CCDC86: variants seen among roughly 807,000 people sequenced by gnomAD.
CCDC86 encodes the protein coiled-coil domain-containing protein 86.
In CCDC86, 28 loss-of-function variants were observed where a neutral mutation model predicts 36.7. The observed-to-expected ratio is 0.76, with a 90% CI of 0.57 to 1.05. The LOEUF (loss-of-function observed/expected upper bound fraction) is 1.05, where lower values mean the gene tolerates loss of function less well. CCDC86 is among the 50% of genes least tolerant of loss of function. CCDC86 has a pLI of 0.00. For missense variants in CCDC86, 453 were observed against 470.2 expected (o/e 0.96, Z 0.34); for synonymous variants, 199 against 203.4 (o/e 0.98, Z 0.18).
In CCDC86 at chr11:60,848,059, G is replaced by C. The variant is rs1398449709; in HGVS notation, c.888+6G>C. 6.2e-7 allele frequency: 1 copy of C among 1,611,556 alleles called. No homozygotes were observed. Among genetic ancestry groups the C allele is most frequent in the Non-Finnish European group, 8.5e-7 (1 of 1,178,598 alleles). On this transcript the variant is annotated splice_donor_region_variant and intron_variant, in intron 2 of 3. Coordinates refer to ENST00000227520, the MANE Select transcript of CCDC86 (RefSeq NM_024098.4). ...AGAAGGAGAGGCGCCGCCAGGTGAGGGGCCAGCCAGGCTGAGGCTGGGGCT... is the reference window on the plus strand; with the variant it reads ...AGAAGGAGAGGCGCCGCCAGGTGAGCGGCCAGCCAGGCTGAGGCTGGGGCT...
intron 1 of CCDC86, chr11:60,847,635 C>A: frequency 5.5e-6 from 1 of 182,818 alleles, no homozygotes; most frequent in Non-Finnish European, 1.1e-5. Flanking sequence ...TATCTTTAGG[C>A]AGCTATTTAA....
chr11:60,843,012 C>T, intron 1 of CCDC86, 130 bp downstream of exon 1: 1 of 1,217,410 alleles, frequency 8.2e-7, no homozygotes. Flanking sequence ...TGTTAGCAAA[C>T]AGGTAATTAC....
At chr11:60,843,080 A>G in intron 1 of CCDC86, 198 bp downstream of exon 1, 1 of 692,050 alleles carries the variant, frequency 1.4e-6, no homozygotes, top group Non-Finnish European at 2.2e-6. Context: ...AGGCCCTCAA[A>G]GATCAATTTC....
In CCDC86 at chr11:60,848,896, C is replaced by T. The variant is rs1345257208; in HGVS notation, c.888+843C>T. Among the ~76,000 whole-genome samples, 7 of 152,176 alleles carry T rather than the reference C, an allele frequency of 4.6e-5. No homozygotes were observed. The South Asian group carries it at 6.2e-4, about 13-fold the overall frequency. On this transcript the variant is annotated intron_variant, in intron 2 of 3. Coordinates refer to ENST00000227520, the MANE Select transcript of CCDC86 (RefSeq NM_024098.4). ...GCTGACATCTGAGGAACAGTGTGTC[C>T]GCCACCATATGCTGAGGCCTTATCT...
intron 1 of CCDC86, among the ~76,000 whole-genome samples, chr11:60,846,425 C>G (rs957102313): frequency 3.3e-5 from 5 of 152,156 alleles, no homozygotes; most frequent in African/African-American, 1.2e-4. Context: ...CGAGAGACTT[C>G]TTTGCATTTT....
Position 60,842,240 on chromosome 11 carries a change from C to T in CCDC86, c.116C>T (p.Pro39Leu). 1.2e-6 allele frequency: 2 copies of T among 1,613,400 alleles called. No individual in the cohort carries two copies. Among genetic ancestry groups the T allele is most frequent in the Non-Finnish European group, 1.7e-6 (2 of 1,179,904 alleles). Residue 39 changes from proline (P) to leucine (L), a missense_variant, in exon 1 of 4, where the codon CCA (proline) becomes CTA (leucine). By Grantham distance (98) the Pro-to-Leu change is moderately conservative. Transcript: ENST00000227520. ...RRALVEFESN[P>L]EETREPGSPP... ...GCCCTTGTGGAGTTCGAGTCGAACC[C>T]AGAAGAAACGAGGGAGCCCGGGTCT...
Position 60,842,571 on chromosome 11 carries a change from C to T in CCDC86, c.447C>T (p.Ala149=), listed in dbSNP as rs749223937. ...ATAAGGAGGAGCTGACCCCGGGGGC[C>T]CCCCAGCATCAGCTACCGCCGGTCC... ...AQNKEELTPG[A]PQHQLPPVPG... The change falls in exon 1 of 4, where the codon GCC becomes GCT. Residue 149 remains alanine, a synonymous_variant. Transcript: ENST00000227520. The T allele has an allele frequency of 3.1e-6, 5 of 1,613,286 alleles. No homozygotes were observed. Among genetic ancestry groups the T allele is most frequent in the African/African-American group, 1.3e-5 (1 of 75,032 alleles).
intron 1 of CCDC86, among the ~76,000 whole-genome samples, chr11:60,844,720 C>A (rs536806456): frequency 2.6e-5 from 4 of 152,324 alleles, no homozygotes; most frequent in Admixed American, 1.3e-4. Context: ...GCCTGTTTTC[C>A]TTTAAACCGG....
At chr11:60,848,189 C>A in intron 2 of CCDC86, 136 bp downstream of exon 2, 1 of 1,145,394 alleles carries the variant, frequency 8.7e-7, no homozygotes, top group South Asian at 1.6e-5. Context: ...ATCTGAAGGC[C>A]GGAGGGAGGA....
chr11:60,847,789 G>T, intron 1 of CCDC86, 135 bp from the exon 2 acceptor site: 1 of 1,241,656 alleles, frequency 8.1e-7, no homozygotes, highest in Non-Finnish European at 1.1e-6. Context: ...CTGGAAGGCC[G>T]CCTGTCAGGC....
chr11:60,850,124 CTGTGGG>C, intron 3 of CCDC86, 76 bp from the exon 4 acceptor site: 2 of 1,608,584 alleles, frequency 1.2e-6, no homozygotes, highest in Non-Finnish European at 1.7e-6. Flanking sequence ...TCTCAGGCCC[CTGTGGG>C]GCGGCCTTCC....
At chr11:60,847,137 G>GA (rs1332470775) in intron 1 of CCDC86, among the ~76,000 whole-genome samples, 1 of 150,302 alleles carries the variant, frequency 6.7e-6, no homozygotes, top group Non-Finnish European at 1.5e-5. Context: ...AGGCTGGAGT[G>GA]CAGTGGCGCG....
chr11:60,843,535 C>T (rs1855149989), intron 1 of CCDC86, among the ~76,000 whole-genome samples: 1 of 152,210 alleles, frequency 6.6e-6, no homozygotes, highest in Non-Finnish European at 1.5e-5. Context: ...AACCCCTTTA[C>T]CCAATCCCTG....
intron 2 of CCDC86, among the ~76,000 whole-genome samples, chr11:60,848,325 A>G (rs1259487241): frequency 6.6e-6 from 1 of 152,152 alleles, no homozygotes; most frequent in Non-Finnish European, 1.5e-5. Context: ...GAGGACCAGA[A>G]GCGGGCCTTG....
At chr11:60,848,198 G>A (rs1855212076) in intron 2 of CCDC86, 145 bp downstream of exon 2, 19 of 1,041,506 alleles carry the variant, frequency 1.8e-5, no homozygotes, top group Non-Finnish European at 2.5e-5. Context: ...CCGGAGGGAG[G>A]AAGGGCACCT....
chr11:60,843,027 A>T, intron 1 of CCDC86, 145 bp downstream of exon 1: 1 of 1,137,626 alleles, frequency 8.8e-7, no homozygotes, highest in Non-Finnish European at 1.2e-6. Flanking sequence ...AATTACAATC[A>T]GAATGTGGTA....
intron 2 of CCDC86, among the ~76,000 whole-genome samples, chr11:60,848,441 C>A (rs480081): frequency 0.26 from 40,064 of 151,912 alleles, 6,182 homozygotes; most frequent in East Asian, 0.74. Context: ...CAGATTTGAA[C>A]TCCATGTCCC....
chr11:60,845,397 T>C (rs757441369), intron 1 of CCDC86, among the ~76,000 whole-genome samples: 1 of 151,764 alleles, frequency 6.6e-6, no homozygotes, highest in Non-Finnish European at 1.5e-5. Flanking sequence ...CGGGCAGGGG[T>C]GAAGGCAGGA....
Position 60,849,280 on chromosome 11 carries a change from G to A in CCDC86, c.889-660G>A, listed in dbSNP as rs569380819. Among the ~76,000 whole-genome samples the A allele has an allele frequency of 3.9e-5, 6 of 152,354 alleles. No individual in the cohort carries two copies. In the East Asian group the frequency reaches 5.8e-4, roughly 15 times the overall value. On this transcript the variant is annotated intron_variant, in intron 2 of 3. Transcript: ENST00000227520. Reference sequence around the variant, plus strand: ...CTAGGGGCTGCTCCAAGTCCTGCACGTGCATTCCCTCATTGATTTCCCAAA... The same window carrying A: ...CTAGGGGCTGCTCCAAGTCCTGCACATGCATTCCCTCATTGATTTCCCAAA...
Sources: allele counts gnomAD v4.1 joint callset (sites outside exome capture counted in the v4.1 genomes callset), GRCh38; gene constraint gnomAD v4.1.1; transcripts MANE v1.5; gene names NCBI Gene and HGNC (gene_info 2026-07-23, HGNC 2026-07-21).